Variants in CERS6 observed in about 807,000 individuals in gnomAD.
CERS6 encodes the protein ceramide synthase 6.
In CERS6, 26 loss-of-function variants were observed where a neutral mutation model predicts 56.8. That is an observed-to-expected ratio of 0.46 (90% confidence interval 0.34 to 0.63). The LOEUF (loss-of-function observed/expected upper bound fraction) is 0.63. Among genes scored for constraint, CERS6 ranks in the 30% least tolerant of loss-of-function variants. CERS6 has a pLI of 0.01. For missense variants in CERS6, 415 were observed against 467.5 expected (o/e 0.89, Z 1.04); for synonymous variants, 164 against 173.3 (o/e 0.95, Z 0.42).
At chr2:168,622,754 G>A (rs935293037) in intron 3 of CERS6, among the ~76,000 whole-genome samples, 1 of 152,192 alleles carries the variant, frequency 6.6e-6, no homozygotes, top group Admixed American at 6.5e-5. Context: ...GAGTTACAGA[G>A]TTAATTATTG....
intron 8 of CERS6, among the ~76,000 whole-genome samples, chr2:168,730,581 T>C (rs1432323945): frequency 6.6e-6 from 1 of 152,140 alleles, no homozygotes; most frequent in Non-Finnish European, 1.5e-5. Flanking sequence ...ACCTGGTGAG[T>C]CATCCCCAGC....
chr2:168,705,123 C>A (rs151295163), intron 6 of CERS6, among the ~76,000 whole-genome samples: 81 of 152,298 alleles, frequency 5.3e-4, no homozygotes, highest in African/African-American at 1.9e-3. Flanking sequence ...CTTAGCCCGT[C>A]CTTACTGTGT....
chr2:168,592,116 G>A (rs1683686505), intron 3 of CERS6, among the ~76,000 whole-genome samples: 1 of 152,176 alleles, frequency 6.6e-6, no homozygotes, highest in Non-Finnish European at 1.5e-5. Flanking sequence ...GCCCCAAATG[G>A]GAGGAATGTG....
At chr2:168,636,116 A>G (rs1684854267) in intron 4 of CERS6, among the ~76,000 whole-genome samples, 1 of 152,184 alleles carries the variant, frequency 6.6e-6, no homozygotes, top group Non-Finnish European at 1.5e-5. Context: ...CCCCCATGAA[A>G]TACTTCTATA....
chr2:168,625,288 C>CT (rs907593442), intron 3 of CERS6, among the ~76,000 whole-genome samples: 3 of 152,120 alleles, frequency 2.0e-5, no homozygotes, highest in African/African-American at 7.2e-5. Context: ...CCAGAGTTGA[C>CT]TATTTTTTAT....
chr2:168,601,997 C>T (rs1193303285), intron 3 of CERS6, among the ~76,000 whole-genome samples: 4 of 152,046 alleles, frequency 2.6e-5, no homozygotes, highest in Non-Finnish European at 2.9e-5. Context: ...AATTTACTGC[C>T]CTTTGAAACC....
intron 4 of CERS6, among the ~76,000 whole-genome samples, chr2:168,655,682 T>A (rs534646509): frequency 1.4e-3 from 219 of 152,100 alleles, no homozygotes; most frequent in Non-Finnish European, 2.5e-3. Flanking sequence ...AATATACAAA[T>A]ACAGAGAATA....
chr2:168,671,664 T>C (rs1029519514), intron 4 of CERS6, among the ~76,000 whole-genome samples: 2 of 152,214 alleles, frequency 1.3e-5, no homozygotes, highest in Non-Finnish European at 1.5e-5. Flanking sequence ...AATACAATCC[T>C]ATTATACTGT....
Position 168,536,922 on chromosome 2 carries a change from G to A in CERS6, c.171-10674G>A, listed in dbSNP as rs570242338. 6.6e-5 allele frequency among the ~76,000 whole-genome samples: 10 copies of A among 151,544 alleles called. No individual in the cohort carries two copies. The South Asian group carries it at 2.1e-3, about 31-fold the overall frequency. On this transcript the variant is annotated intron_variant, in intron 1 of 9. Coordinates refer to ENST00000305747, the MANE Select transcript of CERS6 (RefSeq NM_203463.3). Reference sequence around the variant, plus strand: ...AATTCACAAAAATTACAAAAATGAAGATAGTAGAATTTTGATGGGCAATAA... The same window carrying A: ...AATTCACAAAAATTACAAAAATGAAAATAGTAGAATTTTGATGGGCAATAA...
intron 4 of CERS6, among the ~76,000 whole-genome samples, chr2:168,632,008 C>T (rs1684757973): frequency 6.6e-6 from 1 of 150,838 alleles, no homozygotes; most frequent in African/African-American, 2.4e-5. Context: ...CCTGCTGTTG[C>T]TTTTACTATA....
intron 2 of CERS6, among the ~76,000 whole-genome samples, chr2:168,552,059 C>T (rs374649241): frequency 8.6e-5 from 13 of 152,038 alleles, no homozygotes; most frequent in African/African-American, 3.1e-4. Flanking sequence ...ATAAAATTAA[C>T]TTTTGGTATG....
rs187171197 is a variant in CERS6 at position 168,717,993 on chromosome 2, C to T, written c.845+15C>T. 4.7e-4 allele frequency: 726 copies of T among 1,558,874 alleles called. 8 individuals carry two copies. In the East Asian group the frequency reaches 0.015, roughly 31 times the overall value. The stretch of plus-strand genomic sequence containing the variant: ...TTTCCTCTCTGGTGAGTATGCCAGT[C>T]TCCTTCCTGATAGAGCCACCCTTTC... On this transcript the variant is annotated intron_variant, in intron 8 of 9. Coordinates refer to ENST00000305747, the MANE Select transcript of CERS6 (RefSeq NM_203463.3).
Position 168,456,707 on chromosome 2 carries a change from C to T in CERS6, c.170+89C>T, listed in dbSNP as rs1400757812. 2.3e-6 allele frequency: 3 copies of T among 1,318,952 alleles called. No individual in the cohort carries two copies. The highest frequency in any genetic ancestry group is 4.9e-5 in the East Asian group (2 of 40,530). 81.7% of individuals were successfully genotyped at this position (1,318,952 alleles called of 1,614,324 possible). A position where few individuals can be genotyped will look rare whatever the true frequency, so the allele number is the denominator to read the frequency against. ...GCGCTCTCTGGCGCACGCCCCCGCGCCCCCAACGCTCGCGTTCACGCCTCC... is the reference window on the plus strand; with the variant it reads ...GCGCTCTCTGGCGCACGCCCCCGCGTCCCCAACGCTCGCGTTCACGCCTCC... On this transcript the variant is annotated intron_variant, in intron 1 of 9. Coordinates refer to ENST00000305747, the MANE Select transcript of CERS6 (RefSeq NM_203463.3). This position sits in a 1 kb window ranked among gnomAD's most constrained non-coding sequence, Gnocchi z 4.1.
chr2:168,696,704 G>A (rs1333964186), intron 6 of CERS6, among the ~76,000 whole-genome samples: 1 of 152,172 alleles, frequency 6.6e-6, no homozygotes, highest in African/African-American at 2.4e-5. Context: ...TGGTGGAAGG[G>A]GCAAGACAGC....
chr2:168,681,143 AAGT>A (rs1308577623), intron 4 of CERS6, among the ~76,000 whole-genome samples: 7 of 152,208 alleles, frequency 4.6e-5, no homozygotes, highest in African/African-American at 1.7e-4. Flanking sequence ...ATGGGTTGAT[AAGT>A]AGTAAGGAAG....
chr2:168,474,470 T>C (rs6433067), intron 1 of CERS6, among the ~76,000 whole-genome samples: 150,142 of 152,344 alleles, frequency 0.99, 74,023 homozygotes, highest in East Asian at 1. Context: ...TATGAGGAAA[T>C]GCATTCCTCG....
intron 4 of CERS6, chr2:168,644,380 A>G (rs1863148): frequency 0.24 from 233,221 of 983,022 alleles, 35,218 homozygotes; most frequent in African/African-American, 0.69. Context: ...GAGGCAGCAG[A>G]TATGAGAATG....
chr2:168,569,444 A>C (rs1354546524), intron 3 of CERS6, among the ~76,000 whole-genome samples: 2 of 152,238 alleles, frequency 1.3e-5, no homozygotes, highest in Non-Finnish European at 2.9e-5. Flanking sequence ...TCAGAGGGAA[A>C]GTTGCAATGC....
chr2:168,728,533 G>A (rs773147383), intron 8 of CERS6, among the ~76,000 whole-genome samples: 14 of 150,980 alleles, frequency 9.3e-5, no homozygotes, highest in Non-Finnish European at 2.1e-4. Context: ...GGGATTAAAA[G>A]CACCCACCAC....
Sources: allele counts gnomAD v4.1 joint callset (sites outside exome capture counted in the v4.1 genomes callset), GRCh38; gene constraint gnomAD v4.1.1; non-coding constraint Gnocchi (gnomAD v3.1); transcripts MANE v1.5; gene names NCBI Gene and HGNC (gene_info 2026-07-23, HGNC 2026-07-21).